The following CTNNA2 variants were observed in gnomAD, a reference collection of about 807,000 sequenced individuals.
CTNNA2 encodes the protein catenin alpha 2.
CTNNA2 carries 42 observed loss-of-function variants against 101.0 expected under a neutral mutation model. The observed-to-expected ratio is 0.42, with a 90% CI of 0.32 to 0.54. The LOEUF is 0.54. CTNNA2 is among the 20% of genes least tolerant of loss of function. The pLI, the probability that CTNNA2 is intolerant of heterozygous loss-of-function variation, is 0.14. For missense variants in CTNNA2, 871 were observed against 1,223.1 expected (o/e 0.71, Z 4.29); for synonymous variants, 450 against 456.4 (o/e 0.99, Z 0.18).
intron 4 of CTNNA2, among the ~76,000 whole-genome samples, chr2:79,374,318 G>A (rs1677937189): frequency 6.6e-6 from 1 of 152,100 alleles, no homozygotes; most frequent in African/African-American, 2.4e-5. Flanking sequence ...ATGCAAAGGG[G>A]CATGGATCTG....
rs12612775 is a variant in CTNNA2, at chr2:79,672,800, C to T, written c.102+21142C>T. Reference sequence around the variant, plus strand: ...CCTCAGCTCACTGCAACCTCTGCCTCCCAGGTTCAAGTGATTTGCCTGCCT... The same window carrying T: ...CCTCAGCTCACTGCAACCTCTGCCTTCCAGGTTCAAGTGATTTGCCTGCCT... On this transcript the variant is annotated intron_variant, in intron 2 of 18. Coordinates refer to ENST00000402739, the MANE Select transcript of CTNNA2 (RefSeq NM_001282597.3). Among the ~76,000 whole-genome samples the T allele has an allele frequency of 5.2e-3, 784 of 151,072 alleles. 27 individuals are homozygous for T. In the East Asian group the frequency reaches 0.081, roughly 16 times the overall value.
intron 9 of CTNNA2, among the ~76,000 whole-genome samples, chr2:80,477,318 G>C (rs1685803864): frequency 6.6e-6 from 1 of 152,104 alleles, no homozygotes; most frequent in Admixed American, 6.6e-5. Context: ...TTTCTAGTCT[G>C]TTCCTGGTAA....
At chr2:79,539,638 C>T (rs910940197) in intron 1 of CTNNA2, among the ~76,000 whole-genome samples, 18 of 152,140 alleles carry the variant, frequency 1.2e-4, no homozygotes, top group Non-Finnish European at 1.5e-5. Flanking sequence ...GCTACTTTTA[C>T]CCCCAGCTGG....
At chr2:80,452,455 C>T (rs911690373) in intron 9 of CTNNA2, among the ~76,000 whole-genome samples, 1 of 137,960 alleles carries the variant, frequency 7.2e-6, no homozygotes, top group Non-Finnish European at 1.6e-5. Context: ...ACCCAATGGT[C>T]CATAAAATTC....
At chr2:80,151,336 A>C (rs1703682538) in intron 7 of CTNNA2, among the ~76,000 whole-genome samples, 1 of 152,216 alleles carries the variant, frequency 6.6e-6, no homozygotes, top group Admixed American at 6.5e-5. Context: ...GAATAGGCAC[A>C]GTTTCTCTTG....
In CTNNA2 at chr2:79,608,613, A is replaced by C. The variant is rs184072720; in HGVS notation, c.-5-42939A>C. 3.8e-3 allele frequency among the ~76,000 whole-genome samples: 539 copies of C among 143,732 alleles called. 4 individuals are homozygous for C. Among genetic ancestry groups the C allele is most frequent in the Non-Finnish European group, 6.0e-3 (405 of 67,824 alleles). 94.3% of individuals were successfully genotyped at this position (143,732 alleles called of 152,430 possible). A position where few individuals can be genotyped will look rare whatever the true frequency, so the allele number is the denominator to read the frequency against. On this transcript the variant is annotated intron_variant, in intron 1 of 18. Coordinates refer to ENST00000402739, the MANE Select transcript of CTNNA2 (RefSeq NM_001282597.3). ...TGCAAAGGTAGTTTGCTATTTGGAAACCAATTAGTGTAATCATTATATTAA... is the reference window on the plus strand; with the variant it reads ...TGCAAAGGTAGTTTGCTATTTGGAACCCAATTAGTGTAATCATTATATTAA...
At chr2:80,255,422 A>G (rs1190331227) in intron 7 of CTNNA2, among the ~76,000 whole-genome samples, 1 of 152,126 alleles carries the variant, frequency 6.6e-6, no homozygotes, top group Non-Finnish European at 1.5e-5. Context: ...TGAAAGAAAA[A>G]AAAAATGCAC....
intron 18 of CTNNA2, among the ~76,000 whole-genome samples, chr2:80,623,744 C>T (rs772408836): frequency 6.6e-6 from 1 of 151,878 alleles, no homozygotes; most frequent in Non-Finnish European, 1.5e-5. Flanking sequence ...TTAACTACCC[C>T]ATCCCACTCC....
intron 8 of CTNNA2, among the ~76,000 whole-genome samples, chr2:80,406,564 C>G (rs953976940): frequency 6.6e-6 from 1 of 152,064 alleles, no homozygotes; most frequent in African/African-American, 2.4e-5. Flanking sequence ...TGGTGGCTCA[C>G]GCCTGTAATC....
intron 1 of CTNNA2, among the ~76,000 whole-genome samples, chr2:79,581,210 T>C (rs1340370293): frequency 1.3e-5 from 2 of 152,184 alleles, no homozygotes; most frequent in East Asian, 3.9e-4. Context: ...ATTATGCTGG[T>C]GAAGATAAAT....
intron 7 of CTNNA2, among the ~76,000 whole-genome samples, chr2:79,920,493 T>A (rs1686579621): frequency 6.6e-6 from 1 of 152,140 alleles, no homozygotes; most frequent in Non-Finnish European, 1.5e-5. Context: ...AGGCTGCAAA[T>A]AAATATTTTT....
intron 2 of CTNNA2, among the ~76,000 whole-genome samples, chr2:79,216,176 G>A (rs1674255529): frequency 6.6e-6 from 1 of 152,266 alleles, no homozygotes; most frequent in South Asian, 2.1e-4. Context: ...GTTTGTATTG[G>A]GGTCAAGCGG....
chr2:79,741,247 G>A (rs1181353337), intron 2 of CTNNA2, among the ~76,000 whole-genome samples: 1 of 152,094 alleles, frequency 6.6e-6, no homozygotes, highest in East Asian at 1.9e-4. Flanking sequence ...GGCCAGAAGT[G>A]GGCAGCAAGA....
intron 2 of CTNNA2, among the ~76,000 whole-genome samples, chr2:79,660,598 T>G (rs1427700969): frequency 1.3e-5 from 2 of 152,162 alleles, no homozygotes; most frequent in Admixed American, 6.5e-5. Context: ...TTGGAAACAC[T>G]TCTTTGAATT....
rs77290216 is a variant in CTNNA2 at position 80,472,319 on chromosome 2, A to G, written c.1290+52718A>G. ...GACTGCATGTATCTAGCCATGGCTGATGAATAAATGGTAATCTCTTACAGT... is the reference window on the plus strand; with the variant it reads ...GACTGCATGTATCTAGCCATGGCTGGTGAATAAATGGTAATCTCTTACAGT... On this transcript the variant is annotated intron_variant, in intron 9 of 18. Coordinates refer to ENST00000402739, the MANE Select transcript of CTNNA2 (RefSeq NM_001282597.3). 7.3e-3 allele frequency among the ~76,000 whole-genome samples: 1,106 copies of G among 152,242 alleles called. 13 individuals carry two copies. The highest frequency in any genetic ancestry group is 0.024 in the African/African-American group (1,009 of 41,532).
intron 3 of CTNNA2, among the ~76,000 whole-genome samples, chr2:79,778,288 T>C (rs1207240148): frequency 6.6e-6 from 1 of 151,384 alleles, no homozygotes; most frequent in African/African-American, 2.4e-5. Flanking sequence ...AAGTTTTCGG[T>C]GAGCCGAGAT....
At chr2:80,066,934 C>CA (rs1176505990) in intron 7 of CTNNA2, among the ~76,000 whole-genome samples, 1 of 151,958 alleles carries the variant, frequency 6.6e-6, no homozygotes, top group Non-Finnish European at 1.5e-5. Context: ...CTTTCATTTG[C>CA]AAAAATATAG....
chr2:79,428,846 C>A (rs1678620727), intron 4 of CTNNA2, among the ~76,000 whole-genome samples: 1 of 152,084 alleles, frequency 6.6e-6, no homozygotes, highest in South Asian at 2.1e-4. Context: ...AGTTTAGAAT[C>A]AAGACTATCT....
chr2:80,430,105 C>T (rs1350604479), intron 9 of CTNNA2, among the ~76,000 whole-genome samples: 1 of 152,082 alleles, frequency 6.6e-6, no homozygotes, highest in Non-Finnish European at 1.5e-5. Flanking sequence ...ATCTTTATAC[C>T]CAGCCCTCAA....
Sources: gnomAD v4.1 joint callset for allele counts (sites outside exome capture counted in the v4.1 genomes callset) on GRCh38, gnomAD v4.1.1 for gene constraint, MANE v1.5 for transcripts, NCBI Gene and HGNC (gene_info 2026-07-23, HGNC 2026-07-21) for gene names.